The following WWOX variants were observed in gnomAD, a reference collection of about 807,000 sequenced individuals.
WWOX encodes WW domain containing oxidoreductase.
In WWOX, 69 loss-of-function variants were observed where a neutral mutation model predicts 46.2. That is an observed-to-expected ratio of 1.49 (90% CI 1.23 to 1.82). WWOX has a LOEUF of 1.82. WWOX is among the 40% of genes most tolerant of loss of function. WWOX has a pLI of 0.00. For missense variants in WWOX, 919 were observed against 542.6 expected (o/e 1.69, Z -6.89); for synonymous variants, 359 against 202.6 (o/e 1.77, Z -6.56).
At chr16:78,371,940 A>G (rs943707222) in intron 5 of WWOX, among the ~76,000 whole-genome samples, 1 of 152,210 alleles carries the variant, frequency 6.6e-6, no homozygotes, top group African/African-American at 2.4e-5. Context: ...CAGCTTATGT[A>G]ACAGTGCTTA....
intron 8 of WWOX, among the ~76,000 whole-genome samples, chr16:78,635,384 C>T (rs913703864): frequency 2.0e-5 from 3 of 152,160 alleles, no homozygotes; most frequent in East Asian, 1.9e-4. Flanking sequence ...GGGACCTCTG[C>T]GACTGCTCAT....
chr16:78,873,070 T>G (rs541622737), intron 8 of WWOX: 2 of 152,292 alleles, frequency 1.3e-5, no homozygotes, highest in African/African-American at 4.8e-5. Context: ...GTACTGAGAT[T>G]ACGGGTGTAA....
intron 8 of WWOX, among the ~76,000 whole-genome samples, chr16:78,858,788 C>G (rs2052631999): frequency 6.6e-6 from 1 of 151,546 alleles, no homozygotes; most frequent in Non-Finnish European, 1.5e-5. Flanking sequence ...AAGTGATTCT[C>G]CCATCTCAGC....
At position 79,012,854 on chromosome 16, in the gene WWOX, G is replaced by A. The variant is rs567992209; in HGVS notation, c.1057-198754G>A. 5.9e-5 allele frequency among the ~76,000 whole-genome samples: 9 copies of A among 152,312 alleles called. No individual in the cohort carries two copies. In the South Asian group the frequency reaches 1.9e-3, roughly 32 times the overall value. On this transcript the variant is annotated intron_variant, in intron 8 of 8. Transcript: ENST00000566780. ...ACCAACATGGCCCGTGGCAGACTGG[G>A]CTGCTGTTTGTAAGCCTGGCTGAAG...
At chr16:78,588,650 T>G (rs556282221) in intron 8 of WWOX, among the ~76,000 whole-genome samples, 7 of 152,218 alleles carry the variant, frequency 4.6e-5, no homozygotes, top group Non-Finnish European at 8.8e-5. Context: ...CTTGAGTTCT[T>G]GTTGAGTGTT....
intron 8 of WWOX, among the ~76,000 whole-genome samples, chr16:78,861,351 A>G (rs1248537843): frequency 6.6e-6 from 1 of 152,132 alleles, no homozygotes; most frequent in East Asian, 1.9e-4. Context: ...CTTTAAAATT[A>G]TTTTTGGCTC....
intron 5 of WWOX, among the ~76,000 whole-genome samples, chr16:78,243,611 A>G (rs555577706): frequency 1.3e-5 from 2 of 152,192 alleles, no homozygotes; most frequent in Admixed American, 6.5e-5. Context: ...CAGTGGCACC[A>G]TCTTGGCTCA....
intron 8 of WWOX, among the ~76,000 whole-genome samples, chr16:78,814,806 G>A (rs1012073238): frequency 2.0e-5 from 3 of 152,178 alleles, no homozygotes; most frequent in African/African-American, 7.2e-5. Context: ...GGAACTGTGG[G>A]CGTTGTCCCC....
intron 6 of WWOX, among the ~76,000 whole-genome samples, chr16:78,400,691 A>C (rs1037170158): frequency 2.6e-5 from 4 of 152,188 alleles, no homozygotes; most frequent in African/African-American, 7.2e-5. Flanking sequence ...GGACTGGAGG[A>C]AGGAAAGCAG....
intron 8 of WWOX, chr16:79,105,825 G>C (rs561303003): frequency 6.6e-6 from 1 of 151,944 alleles, no homozygotes; most frequent in African/African-American, 2.4e-5. Flanking sequence ...ACCACACCCA[G>C]CTAAATTTCT....
chr16:78,668,247 C>G (rs189597416), intron 8 of WWOX, among the ~76,000 whole-genome samples: 2 of 152,192 alleles, frequency 1.3e-5, no homozygotes, highest in Admixed American at 6.5e-5. Context: ...TGCCATTGCA[C>G]TCCAGCCTGT....
At chr16:78,492,836 G>A (rs190037074) in intron 8 of WWOX, among the ~76,000 whole-genome samples, 3 of 152,180 alleles carry the variant, frequency 2.0e-5, no homozygotes, top group East Asian at 3.9e-4. Flanking sequence ...TGCCTGCTAG[G>A]CCGAATACTT....
At chr16:78,656,495 G>T (rs776126409) in intron 8 of WWOX, among the ~76,000 whole-genome samples, 1 of 152,182 alleles carries the variant, frequency 6.6e-6, no homozygotes, top group Non-Finnish European at 1.5e-5. Context: ...AGGGAAGCAG[G>T]CATGTTCTGC....
intron 8 of WWOX, among the ~76,000 whole-genome samples, chr16:79,092,033 G>T (rs552128178): frequency 1.3e-5 from 2 of 151,878 alleles, no homozygotes; most frequent in African/African-American, 2.4e-5. Context: ...TTCTCGCCTC[G>T]GCCTCCCAAA....
chr16:78,919,983 C>T (rs1042263480), intron 8 of WWOX, among the ~76,000 whole-genome samples: 2 of 152,186 alleles, frequency 1.3e-5, no homozygotes, highest in Non-Finnish European at 2.9e-5. Flanking sequence ...CGGTTTGCCT[C>T]CTTCTCATGC....
chr16:78,313,687 T>A (rs1385620526), intron 5 of WWOX, among the ~76,000 whole-genome samples: 1 of 152,180 alleles, frequency 6.6e-6, no homozygotes. Context: ...CTACGTACCG[T>A]GATTGCTTGC....
At chr16:79,210,432 C>G (rs1013799593) in intron 8 of WWOX, among the ~76,000 whole-genome samples, 1 of 152,126 alleles carries the variant, frequency 6.6e-6, no homozygotes, top group Admixed American at 6.5e-5. Flanking sequence ...CAATGTAAAC[C>G]CTGCAGGGGC....
chr16:78,908,154 A>G (rs981765759), intron 8 of WWOX, among the ~76,000 whole-genome samples: 30 of 152,316 alleles, frequency 2.0e-4, no homozygotes, highest in African/African-American at 5.5e-4. Flanking sequence ...TGGCAGTGTC[A>G]CAACTTAAGA....
rs73572828 is a variant in WWOX at position 78,427,557 on chromosome 16, C to G, written c.791+2502C>G. Reference sequence around the variant, plus strand: ...ACGCACGCACGCACACACACACACACGGAGTTTCTCAGCTTCTGTGTAGAC... The same window carrying G: ...ACGCACGCACGCACACACACACACAGGGAGTTTCTCAGCTTCTGTGTAGAC... On this transcript the variant is annotated intron_variant, in intron 7 of 8. Coordinates refer to ENST00000566780, the MANE Select transcript of WWOX (RefSeq NM_016373.4). Among the ~76,000 whole-genome samples the G allele has an allele frequency of 8.4e-3, 1,279 of 152,084 alleles. 19 individuals are homozygous for G. The highest frequency in any genetic ancestry group is 0.028 in the African/African-American group (1,159 of 41,480).
Sources: allele counts gnomAD v4.1 joint callset (sites outside exome capture counted in the v4.1 genomes callset), GRCh38; gene constraint gnomAD v4.1.1; transcripts MANE v1.5; gene names NCBI Gene and HGNC (gene_info 2026-07-23, HGNC 2026-07-21).